INSC: variants seen among roughly 807,000 people sequenced by gnomAD.
The protein encoded by INSC is protein inscuteable homolog.
INSC carries 67 observed loss-of-function variants against 58.6 expected under a neutral mutation model. The ratio of observed to expected loss-of-function variants is 1.14; its 90% CI spans 0.94 to 1.40. The LOEUF is 1.40. INSC is among the 40% of genes most tolerant of loss of function. INSC has a pLI of 0.00. For synonymous variants in INSC, 262 were observed against 276.1 expected (o/e 0.95, Z 0.51); for missense variants, 714 against 692.0 (o/e 1.03, Z -0.36).
intron 5 of INSC, among the ~76,000 whole-genome samples, chr11:15,184,071 T>C (rs1388053939): frequency 6.6e-6 from 1 of 152,152 alleles, no homozygotes; most frequent in Admixed American, 6.5e-5. Flanking sequence ...AAATTCTCAG[T>C]TCTTATTTAA....
chr11:15,226,895 C>G (rs1422522874), intron 9 of INSC, among the ~76,000 whole-genome samples: 1 of 152,186 alleles, frequency 6.6e-6, no homozygotes, highest in Non-Finnish European at 1.5e-5. Context: ...TTTAAGGCCT[C>G]TAGCCTAGAG....
At chr11:15,139,240 A>T (rs987288396) in intron 1 of INSC, among the ~76,000 whole-genome samples, 1 of 152,172 alleles carries the variant, frequency 6.6e-6, no homozygotes, top group Admixed American at 6.5e-5. Flanking sequence ...GAGCGATTCA[A>T]TTTTCTCTAA....
At chr11:15,149,768 C>T (rs1443040556) in intron 2 of INSC, among the ~76,000 whole-genome samples, 1 of 152,196 alleles carries the variant, frequency 6.6e-6, no homozygotes, top group Non-Finnish European at 1.5e-5. Context: ...ACCAGAGGTG[C>T]CTCCACACAG....
At chr11:15,178,753 A>G (rs118049409) in intron 5 of INSC, among the ~76,000 whole-genome samples, 3,808 of 152,126 alleles carry the variant, frequency 0.025, 85 homozygotes, top group Middle Eastern at 0.051. Flanking sequence ...TCCCAATTCT[A>G]CTTTCATTAT....
intron 8 of INSC, among the ~76,000 whole-genome samples, chr11:15,223,862 T>C (rs991027560): frequency 2.0e-5 from 3 of 152,214 alleles, no homozygotes; most frequent in Non-Finnish European, 4.4e-5. Context: ...GCTTGAATTA[T>C]CTAATGGTCA....
chr11:15,255,837 A>C, the INSC span, among the ~76,000 whole-genome samples: 2 of 152,102 alleles, frequency 1.3e-5, no homozygotes, highest in African/African-American at 4.8e-5. Context: ...ATTTTTATAA[A>C]GGGGTCTATA....
At chr11:15,135,598 G>C (rs1848225806) in intron 1 of INSC, among the ~76,000 whole-genome samples, 1 of 152,226 alleles carries the variant, frequency 6.6e-6, no homozygotes, top group Admixed American at 6.5e-5. Flanking sequence ...TTTTGGTTCA[G>C]TCTGGATTCT....
chr11:15,184,019 C>T (rs2852924), intron 5 of INSC, among the ~76,000 whole-genome samples: 111,217 of 151,964 alleles, frequency 0.73, 41,447 homozygotes, highest in East Asian at 0.99. Flanking sequence ...AAAAATTTGA[C>T]GATGAGAGCT....
In INSC at chr11:15,114,933, C is replaced by A. The variant is rs770513526; in HGVS notation, c.-116C>A. On this transcript the variant is annotated 5_prime_UTR_variant, in exon 1 of 13. Coordinates refer to ENST00000379556, the MANE Select transcript of INSC (RefSeq NM_001042536.3). ...GCCGGCAGAGCGGCCACTTTGCGCG[C>A]GGCCTCTGGAGCTCCAGCTGCGCCC... 5.7e-4 allele frequency: 560 copies of A among 985,314 alleles called. 1 individual carries two copies. The highest frequency in any genetic ancestry group is 6.6e-4 in the Non-Finnish European group (549 of 829,952). 61.0% of individuals were successfully genotyped at this position (985,314 alleles called of 1,614,324 possible). A position where few individuals can be genotyped will look rare whatever the true frequency, so the allele number is the denominator to read the frequency against.
intron 8 of INSC, among the ~76,000 whole-genome samples, chr11:15,224,610 T>A (rs1254399836): frequency 6.6e-6 from 1 of 152,182 alleles, no homozygotes; most frequent in Non-Finnish European, 1.5e-5. Context: ...ACCGGAGAAG[T>A]ACCTTGATTG....
chr11:15,148,914 T>C (rs978946432), intron 1 of INSC, among the ~76,000 whole-genome samples: 15 of 152,186 alleles, frequency 9.9e-5, no homozygotes, highest in African/African-American at 2.7e-4. Flanking sequence ...ATTTTAGAGA[T>C]ATAAAGTGGG....
intron 1 of INSC, among the ~76,000 whole-genome samples, chr11:15,121,471 A>C (rs1847871758): frequency 6.6e-6 from 1 of 152,240 alleles, no homozygotes; most frequent in South Asian, 2.1e-4. Flanking sequence ...TCCAGTTTTC[A>C]TATCAGCAAG....
At chr11:15,166,703 C>T (rs966539252) in intron 2 of INSC, among the ~76,000 whole-genome samples, 3 of 152,160 alleles carry the variant, frequency 2.0e-5, no homozygotes, top group East Asian at 1.9e-4. Context: ...TTATTTGATT[C>T]GATTACATAT....
intron 1 of INSC, among the ~76,000 whole-genome samples, chr11:15,118,487 A>G (rs76809092): frequency 0.051 from 7,718 of 152,148 alleles, 411 homozygotes; most frequent in African/African-American, 0.14. Flanking sequence ...TTCTCATTAT[A>G]TCTTATGTCA....
chr11:15,241,076 A>T (rs984164776), intron 12 of INSC, among the ~76,000 whole-genome samples: 1 of 152,166 alleles, frequency 6.6e-6, no homozygotes, highest in Non-Finnish European at 1.5e-5. Flanking sequence ...GTCTCCTAGG[A>T]AGTCCCCACC....
At chr11:15,121,702 T>C (rs1228068714) in intron 1 of INSC, among the ~76,000 whole-genome samples, 2 of 152,236 alleles carry the variant, frequency 1.3e-5, no homozygotes, top group East Asian at 3.8e-4. Context: ...CAATTATTTC[T>C]TCCGTATTTA....
intron 7 of INSC, among the ~76,000 whole-genome samples, chr11:15,206,422 G>A (rs1015473021): frequency 1.3e-5 from 2 of 152,210 alleles, no homozygotes; most frequent in Non-Finnish European, 2.9e-5. Flanking sequence ...CACCCAATGG[G>A]GCTCCAAGTC....
the INSC span, among the ~76,000 whole-genome samples, chr11:15,269,151 A>G: frequency 6.6e-6 from 1 of 152,054 alleles, no homozygotes. Flanking sequence ...CTATTTCATT[A>G]AATAGTTATT....
At chr11:15,183,242 T>C (rs1399335067) in intron 5 of INSC, among the ~76,000 whole-genome samples, 2 of 151,478 alleles carry the variant, frequency 1.3e-5, no homozygotes, top group Admixed American at 1.3e-4. Context: ...TCCCAGCTAT[T>C]TGGGAGCCTG....
Sources: allele counts gnomAD v4.1 joint callset (sites outside exome capture counted in the v4.1 genomes callset), GRCh38; gene constraint gnomAD v4.1.1; transcripts MANE v1.5; gene names NCBI Gene and HGNC (gene_info 2026-07-23, HGNC 2026-07-21).